PLAGL1: variants seen among roughly 807,000 people sequenced by gnomAD.
The protein encoded by PLAGL1 is zinc finger protein PLAGL1.
In PLAGL1, 1 loss-of-function variant was observed where a neutral mutation model predicts 4.6. That is an observed-to-expected ratio of 0.22 (90% CI 0.08 to 1.03). The LOEUF is 1.03. Among genes scored for constraint, PLAGL1 ranks in the 50% least tolerant of loss-of-function variants. The pLI, the probability that PLAGL1 is intolerant of heterozygous loss-of-function variation, is 0.58. For missense variants in PLAGL1, 464 were observed against 570.4 expected (o/e 0.81, Z 1.90); for synonymous variants, 240 against 237.8 (o/e 1.01, Z -0.08).
Position 143,997,866 on chromosome 6 carries a change from G to C in PLAGL1, c.-584+10224C>G, listed in dbSNP as rs866401008. 6.6e-6 allele frequency among the ~76,000 whole-genome samples: 1 copy of C among 152,136 alleles called. No homozygotes were observed. The highest frequency in any genetic ancestry group is 2.4e-5 in the African/African-American group (1 of 41,412). On this transcript the variant is annotated intron_variant, in intron 1 of 7. Coordinates refer to ENST00000674357, the MANE Select transcript of PLAGL1 (RefSeq NM_001317162.2). The surrounding 1 kb of genome is among the most constrained non-coding windows in gnomAD (Gnocchi z 4.6). ...TGGTTACACAGGTGTGCGTATGTGT[G>C]TGTGTGTATAAACTCATCAAGCTAT...
rs1783482244 is a variant in PLAGL1, at chr6:143,961,992, T to C, written c.-398-1450A>G. On this transcript the variant is annotated intron_variant, in intron 5 of 7. Transcript: ENST00000674357. This position sits in a 1 kb window ranked among gnomAD's most constrained non-coding sequence, Gnocchi z 6.5. ...AGCGATTCCTTTCTGAATTCAACAA[T>C]ACTCCTTGGCCTCCAAGGGCTCACA... is the stretch of plus-strand genomic sequence containing the variant. Among the ~76,000 whole-genome samples the C allele has an allele frequency of 6.6e-6, 1 of 152,196 alleles. No individual in the cohort carries two copies.
chr6:144,023,959 T>C, intron 1 of PLAGL1, among the ~76,000 whole-genome samples: 1 of 151,952 alleles, frequency 6.6e-6, no homozygotes, highest in East Asian at 1.9e-4. Context: ...GTATTTTTAG[T>C]AGACACGGGG....
At chr6:144,047,187 C>T (rs1798223821) in intron 1 of PLAGL1, among the ~76,000 whole-genome samples, 1 of 152,176 alleles carries the variant, frequency 6.6e-6, no homozygotes, top group South Asian at 2.1e-4. Flanking sequence ...CTTCAGCTTG[C>T]CCTCCATGGG....
Position 144,053,573 on chromosome 6 carries a change from T to G in PLAGL1, c.-151+10895A>C, listed in dbSNP as rs1798733858. On this transcript the variant is annotated intron_variant, in intron 1 of 3. Coordinates refer to the PLAGL1 transcript ENST00000437412. This position sits in a 1 kb window ranked among gnomAD's most constrained non-coding sequence, Gnocchi z 4.0. ...TTCAATAACTGTGCAAAATACTATTTGATTAAATATGATGGACAGTACAGA... is the reference window on the plus strand; with the variant it reads ...TTCAATAACTGTGCAAAATACTATTGGATTAAATATGATGGACAGTACAGA... Among the ~76,000 whole-genome samples, 1 of 152,236 alleles carries G rather than the reference T, an allele frequency of 6.6e-6. No homozygotes were observed. The highest frequency in any genetic ancestry group is 1.5e-5 in the Non-Finnish European group (1 of 68,042).
chr6:143,957,429 T>TC lies in PLAGL1; in HGVS notation c.-325+3039dup, dbSNP rs1308632549. On this transcript the variant is annotated intron_variant, in intron 6 of 7. Coordinates refer to ENST00000674357, the MANE Select transcript of PLAGL1 (RefSeq NM_001317162.2). This position sits in a 1 kb window ranked among gnomAD's most constrained non-coding sequence, Gnocchi z 4.2. Reference sequence around the variant, plus strand: ...TATGATAGCTGAAAATACATCCCCCTCCTCACTCCCTAGAAACCCTTGAGT... The same window carrying TC: ...TATGATAGCTGAAAATACATCCCCCTCCCTCACTCCCTAGAAACCCTTGAGT... Among the ~76,000 whole-genome samples the TC allele has an allele frequency of 6.6e-6, 1 of 152,190 alleles. No individual in the cohort carries two copies. Among genetic ancestry groups the TC allele is most frequent in the Non-Finnish European group, 1.5e-5 (1 of 68,036 alleles).
Position 143,958,151 on chromosome 6 carries a change from T to G in PLAGL1, c.-325+2318A>C, listed in dbSNP as rs990437450. The stretch of plus-strand genomic sequence containing the variant: ...CTGGCAGGGGACACTGGGTTTATCC[T>G]ACAGGGAACTGGGAGCCAGTGAAAG... On this transcript the variant is annotated intron_variant, in intron 6 of 7. Transcript: ENST00000674357. This position sits in a 1 kb window ranked among gnomAD's most constrained non-coding sequence, Gnocchi z 5.1. Among the ~76,000 whole-genome samples the G allele has an allele frequency of 6.6e-6, 1 of 152,222 alleles. No homozygotes were observed. The highest frequency in any genetic ancestry group is 2.4e-5 in the African/African-American group (1 of 41,452).
In PLAGL1 at chr6:143,953,386, C is replaced by G. The variant is rs1159844298; in HGVS notation, c.-324-4926G>C. ...TGTTAACCCAGTGACTAAGCTCTTA[C>G]TTTCTAAGAAATGAGGCTTAAGATA... is the stretch of plus-strand genomic sequence containing the variant. On this transcript the variant is annotated intron_variant, in intron 6 of 7. Coordinates refer to ENST00000674357, the MANE Select transcript of PLAGL1 (RefSeq NM_001317162.2). The surrounding 1 kb of genome is among the most constrained non-coding windows in gnomAD (Gnocchi z 5.3). 1.3e-5 allele frequency among the ~76,000 whole-genome samples: 2 copies of G among 152,160 alleles called. No individual in the cohort carries two copies. The highest frequency in any genetic ancestry group is 2.9e-5 in the Non-Finnish European group (2 of 68,020).
At chr6:143,986,489 A>T (rs1389068668) in intron 1 of PLAGL1, among the ~76,000 whole-genome samples, 2 of 152,166 alleles carry the variant, frequency 1.3e-5, no homozygotes, top group African/African-American at 2.4e-5. Flanking sequence ...CATAGTCAAG[A>T]TTACTCTTGA....
chr6:144,042,858 G>A (rs915253262), intron 1 of PLAGL1, among the ~76,000 whole-genome samples: 6 of 152,116 alleles, frequency 3.9e-5, no homozygotes, highest in Admixed American at 2.6e-4. Flanking sequence ...GTTGAGCAGT[G>A]GTTTATAGTT....
At chr6:144,019,051 C>T (rs536632150) in intron 1 of PLAGL1, among the ~76,000 whole-genome samples, 1 of 152,084 alleles carries the variant, frequency 6.6e-6, no homozygotes, top group South Asian at 2.1e-4. Flanking sequence ...ACAACAACAA[C>T]AACAAACTAG....
Position 143,947,532 on chromosome 6 carries a change from C to T in PLAGL1, c.152+453G>A, listed in dbSNP as rs1354733054. 5.3e-5 allele frequency among the ~76,000 whole-genome samples: 8 copies of T among 152,248 alleles called. No homozygotes were observed. The highest frequency in any genetic ancestry group is 1.2e-4 in the Non-Finnish European group (8 of 68,036). ...TCCTCCTCGGATAGTACCCTCTGCACATGGGTGCTTTAAGGCCAAGACTTA... is the reference window on the plus strand; with the variant it reads ...TCCTCCTCGGATAGTACCCTCTGCATATGGGTGCTTTAAGGCCAAGACTTA... On this transcript the variant is annotated intron_variant, in intron 7 of 7. Transcript: ENST00000674357. This position sits in a 1 kb window ranked among gnomAD's most constrained non-coding sequence, Gnocchi z 4.3.
chr6:143,995,856 A>G lies in PLAGL1; in HGVS notation c.-583-10682T>C, dbSNP rs575582376. Reference sequence around the variant, plus strand: ...GTTTCAAAGCCCAGTAATAATAAGTATTTCCATAAAATACCTACATTACTG... The same window carrying G: ...GTTTCAAAGCCCAGTAATAATAAGTGTTTCCATAAAATACCTACATTACTG... On this transcript the variant is annotated intron_variant, in intron 1 of 7. Coordinates refer to ENST00000674357, the MANE Select transcript of PLAGL1 (RefSeq NM_001317162.2). The surrounding 1 kb of genome is among the most constrained non-coding windows in gnomAD (Gnocchi z 4.4). Among the ~76,000 whole-genome samples the G allele has an allele frequency of 6.6e-6, 1 of 152,350 alleles. No homozygotes were observed. The highest frequency in any genetic ancestry group is 3.4e-3 in the Middle Eastern group (1 of 294).
rs1001084312 is a variant in PLAGL1 at position 144,003,451 on chromosome 6, C to T, written c.-584+4639G>A. Among the ~76,000 whole-genome samples the T allele has an allele frequency of 3.3e-5, 5 of 151,934 alleles. 1 individual carries two copies. Among genetic ancestry groups the T allele is most frequent in the South Asian group, 2.1e-4 (1 of 4,816 alleles). ...CATCCTGGCCAACGCGGTGAAACCC[C>T]GTCTGTACTAAAAATACAAAAAATT... On this transcript the variant is annotated intron_variant, in intron 1 of 7. Coordinates refer to ENST00000674357, the MANE Select transcript of PLAGL1 (RefSeq NM_001317162.2).
chr6:143,985,784 AG>A lies in PLAGL1; in HGVS notation c.-583-611del, dbSNP rs1194423100. Among the ~76,000 whole-genome samples the A allele has an allele frequency of 2.6e-5, 4 of 151,470 alleles. No homozygotes were observed. Among genetic ancestry groups the A allele is most frequent in the Non-Finnish European group, 4.4e-5 (3 of 67,874 alleles). Reference sequence around the variant, plus strand: ...TCATTTCAAAAATCAAAACGCAAAAAGTAAGGGAGTCAGAAATGTTGTCTGC... The same window carrying A: ...TCATTTCAAAAATCAAAACGCAAAAATAAGGGAGTCAGAAATGTTGTCTGC... On this transcript the variant is annotated intron_variant, in intron 1 of 7. Coordinates refer to ENST00000674357, the MANE Select transcript of PLAGL1 (RefSeq NM_001317162.2). The surrounding 1 kb of genome is among the most constrained non-coding windows in gnomAD (Gnocchi z 4.4).
rs1788260034 is a variant in PLAGL1, at chr6:143,982,854, A to G, written c.-544+2281T>C. Among the ~76,000 whole-genome samples, 1 of 152,194 alleles carries G rather than the reference A, an allele frequency of 6.6e-6. No homozygotes were observed. Among genetic ancestry groups the G allele is most frequent in the African/African-American group, 2.4e-5 (1 of 41,448 alleles). On this transcript the variant is annotated intron_variant, in intron 2 of 7. Transcript: ENST00000674357. The surrounding 1 kb of genome is among the most constrained non-coding windows in gnomAD (Gnocchi z 5.3). ...TTTGGTTGGGAACAGAGAAGAACTC[A>G]GGAGCTCAGGTGCAGACATGTTAGG... is the stretch of plus-strand genomic sequence containing the variant.
rs1171117175 is a variant in PLAGL1, at chr6:143,947,448, C to T, written c.152+537G>A. On this transcript the variant is annotated intron_variant, in intron 7 of 7. Transcript: ENST00000674357. The surrounding 1 kb of genome is among the most constrained non-coding windows in gnomAD (Gnocchi z 4.3). ...CCTGAATGAGACAAACCCTCTCAGA[C>T]AGAGGTAAGGCCTGCTATACGTGGC... Among the ~76,000 whole-genome samples the T allele has an allele frequency of 2.0e-5, 3 of 152,238 alleles. No homozygotes were observed. The highest frequency in any genetic ancestry group is 7.2e-5 in the African/African-American group (3 of 41,460).
chr6:143,957,977 A>T lies in PLAGL1; in HGVS notation c.-325+2492T>A, dbSNP rs1203010525. On this transcript the variant is annotated intron_variant, in intron 6 of 7. Coordinates refer to ENST00000674357, the MANE Select transcript of PLAGL1 (RefSeq NM_001317162.2). The surrounding 1 kb of genome is among the most constrained non-coding windows in gnomAD (Gnocchi z 4.2). ...AGGAGTATACCCGGTTGACAAATGG[A>T]GGAGGCATATTGCAGAGGCAGAGGG... 2.0e-5 allele frequency among the ~76,000 whole-genome samples: 3 copies of T among 152,184 alleles called. No individual in the cohort carries two copies. The highest frequency in any genetic ancestry group is 7.2e-5 in the African/African-American group (3 of 41,436).
At chr6:144,041,197 A>G (rs1382121283) in intron 1 of PLAGL1, among the ~76,000 whole-genome samples, 1 of 151,932 alleles carries the variant, frequency 6.6e-6, no homozygotes, top group Non-Finnish European at 1.5e-5. Context: ...CTATATATAT[A>G]TATACTTTAA....
In PLAGL1 at chr6:143,941,352, A is replaced by G; in HGVS notation, c.*72T>C. ...CAGTCTCGTTTTCCAAATCTTTCTC[A>G]TATTGTAACTGACATTTAAAATGCT... On this transcript the variant is annotated 3_prime_UTR_variant, in exon 8 of 8. Coordinates refer to ENST00000674357, the MANE Select transcript of PLAGL1 (RefSeq NM_001317162.2). This position sits in a 1 kb window ranked among gnomAD's most constrained non-coding sequence, Gnocchi z 6.0. 8.3e-7 allele frequency: 1 copy of G among 1,205,436 alleles called. No individual in the cohort carries two copies. The highest frequency in any genetic ancestry group is 1.1e-6 in the Non-Finnish European group (1 of 878,050). The allele number at this position is 1,205,436 out of a possible 1,614,324, so 74.7% of individuals were successfully genotyped here.
Sources: gnomAD v4.1 joint callset for allele counts (sites outside exome capture counted in the v4.1 genomes callset) on GRCh38, gnomAD v4.1.1 for gene constraint, Gnocchi (gnomAD v3.1) non-coding constraint, MANE v1.5 for transcripts, NCBI Gene and HGNC (gene_info 2026-07-23, HGNC 2026-07-21) for gene names.